The following CHMP3 variants were observed in gnomAD, a reference collection of about 807,000 sequenced individuals.
The protein encoded by CHMP3 is 25.1 protein.
In CHMP3, 8 loss-of-function variants were observed where a neutral mutation model predicts 27.4. That is an observed-to-expected ratio of 0.29 (90% CI 0.17 to 0.53). The LOEUF is 0.53. Ranked by LOEUF, CHMP3 falls within the 20% of genes least tolerant of loss-of-function variation. The pLI, the probability that CHMP3 is intolerant of heterozygous loss-of-function variation, is 0.96. For missense variants in CHMP3, 208 were observed against 271.5 expected, an observed-to-expected ratio of 0.77 and a Z score of 1.64; for synonymous variants, 86 against 85.5, an observed-to-expected ratio of 1.01 and a Z score of -0.03.
intron 5 of CHMP3, among the ~76,000 whole-genome samples, chr2:86,506,627 T>A (rs932802187): frequency 8.2e-6 from 1 of 121,742 alleles, no homozygotes; most frequent in African/African-American, 3.3e-5. Flanking sequence ...GTTTCGAACC[T>A]TTTTTTTTTT....
chr2:86,510,631 C>T (rs1675069917), intron 3 of CHMP3, 152 bp from the exon 4 acceptor site: 2 of 1,099,910 alleles, frequency 1.8e-6, no homozygotes, highest in Non-Finnish European at 1.3e-6. Context: ...GCTAGTTGAC[C>T]AAGAGATTGA....
chr2:86,560,240 C>T (rs1359118984), intron 1 of CHMP3, among the ~76,000 whole-genome samples: 6 of 151,512 alleles, frequency 4.0e-5, no homozygotes, highest in Admixed American at 2.6e-4. Context: ...ACTGCCTGGG[C>T]GACAGAGCGA....
intron 1 of CHMP3, among the ~76,000 whole-genome samples, chr2:86,543,185 C>A (rs1676429943): frequency 6.6e-6 from 1 of 152,130 alleles, no homozygotes; most frequent in Non-Finnish European, 1.5e-5. Flanking sequence ...ATGTAGCAGT[C>A]ATCCATGGAC....
intron 1 of CHMP3, among the ~76,000 whole-genome samples, chr2:86,546,309 G>A (rs974091248): frequency 4.2e-5 from 6 of 143,014 alleles, no homozygotes; most frequent in South Asian, 2.4e-4. Context: ...AGGTTGCAGC[G>A]AGCTGAGATC....
chr2:86,526,762 G>A (rs1675730168), intron 3 of CHMP3, among the ~76,000 whole-genome samples: 1 of 151,826 alleles, frequency 6.6e-6, no homozygotes, highest in Non-Finnish European at 1.5e-5. Context: ...TAGAGACAGG[G>A]TTTCATTATG....
In CHMP3 at chr2:86,563,408, C is replaced by T; in HGVS notation, c.-60G>A. On this transcript the variant is annotated 5_prime_UTR_variant, in exon 1 of 6. The change creates a new upstream start codon in the 5' untranslated region. Transcript: ENST00000263856. Reference sequence around the variant, plus strand: ...CAGTTCCCCGCGCCCAGGCAGGTCACGGGCAGCCGCCTGGGCGGGGCCCGC... The same window carrying T: ...CAGTTCCCCGCGCCCAGGCAGGTCATGGGCAGCCGCCTGGGCGGGGCCCGC... 6.3e-7 allele frequency: 1 copy of T among 1,593,494 alleles called. No homozygotes were observed. Among genetic ancestry groups the T allele is most frequent in the Non-Finnish European group, 8.6e-7 (1 of 1,168,156 alleles).
chr2:86,513,214 G>T (rs959296493), intron 3 of CHMP3, among the ~76,000 whole-genome samples: 21 of 152,300 alleles, frequency 1.4e-4, no homozygotes, highest in African/African-American at 4.8e-4. Context: ...AGACAAGGAA[G>T]AAACTTAAAT....
intron 3 of CHMP3, among the ~76,000 whole-genome samples, chr2:86,519,482 T>TG (rs1675442760): frequency 6.6e-6 from 1 of 152,162 alleles, no homozygotes; most frequent in Non-Finnish European, 1.5e-5. Flanking sequence ...TAACAGGAAT[T>TG]GGACTTTAAA....
rs1473810987 is a variant in CHMP3, at chr2:86,553,330, A to ATATT, written c.45+9970_45+9973dup. On this transcript the variant is annotated intron_variant, in intron 1 of 5. Transcript: ENST00000263856. ...CAATGCTATAAGTAGAAAGCAGGGG[A>ATATT]TATTTATTTATTTATTTATTGAGAT... Among the ~76,000 whole-genome samples the ATATT allele has an allele frequency of 2.0e-5, 3 of 152,084 alleles. 1 individual carries two copies. Among genetic ancestry groups the ATATT allele is most frequent in the Admixed American group, 1.3e-4 (2 of 15,272 alleles).
At chr2:86,543,768 T>A (rs1276517695) in intron 1 of CHMP3, among the ~76,000 whole-genome samples, 1 of 152,196 alleles carries the variant, frequency 6.6e-6, no homozygotes, top group Non-Finnish European at 1.5e-5. Flanking sequence ...GTTGACCAAC[T>A]CCACTCAGAA....
chr2:86,553,384 T>G (rs1312591041), intron 1 of CHMP3, among the ~76,000 whole-genome samples: 1 of 152,148 alleles, frequency 6.6e-6, no homozygotes, highest in Non-Finnish European at 1.5e-5. Context: ...CAGCCTGGAG[T>G]GCAGTGGCAC....
At chr2:86,535,585 C>A (rs1676094953) in intron 2 of CHMP3, among the ~76,000 whole-genome samples, 1 of 152,130 alleles carries the variant, frequency 6.6e-6, no homozygotes, top group Non-Finnish European at 1.5e-5. Context: ...CAGCTCACTG[C>A]AACCTCCGGC....
chr2:86,560,716 A>G (rs575853066), intron 1 of CHMP3, among the ~76,000 whole-genome samples: 11 of 152,246 alleles, frequency 7.2e-5, no homozygotes, highest in East Asian at 1.9e-4. Context: ...TAAAAAAAAA[A>G]AAAAGAAAAG....
In CHMP3 at chr2:86,504,212, T is replaced by G. The variant is rs1332509783; in HGVS notation, c.*1592A>C. Reference sequence around the variant, plus strand: ...TACATTTGTCTAAGCCCATACAATGTACAACACCAGAGTGAATCTTCATGT... The same window carrying G: ...TACATTTGTCTAAGCCCATACAATGGACAACACCAGAGTGAATCTTCATGT... On this transcript the variant is annotated 3_prime_UTR_variant, in exon 6 of 6. Coordinates refer to ENST00000263856, the MANE Select transcript of CHMP3 (RefSeq NM_016079.4). 2.0e-5 allele frequency: 3 copies of G among 152,170 alleles called. No homozygotes were observed. The highest frequency in any genetic ancestry group is 4.4e-5 in the Non-Finnish European group (3 of 68,020). The allele number at this position is 152,170 out of a possible 1,614,324, so 9.4% of individuals were successfully genotyped here. A position where few individuals can be genotyped will look rare whatever the true frequency, so the allele number is the denominator to read the frequency against.
At chr2:86,561,865 C>T (rs972158306) in intron 1 of CHMP3, 38 of 152,198 alleles carry the variant, frequency 2.5e-4, no homozygotes, top group African/African-American at 8.0e-4. Flanking sequence ...ATTTCCCCAG[C>T]ATCTTTTTTG....
intron 3 of CHMP3, among the ~76,000 whole-genome samples, chr2:86,521,936 T>C (rs1206818867): frequency 6.6e-6 from 1 of 152,188 alleles, no homozygotes; most frequent in Non-Finnish European, 1.5e-5. Context: ...TTCCATTCTT[T>C]CGGGTATATC....
intron 1 of CHMP3, among the ~76,000 whole-genome samples, chr2:86,546,826 T>C (rs1676627550): frequency 1.3e-5 from 2 of 152,224 alleles, no homozygotes; most frequent in Admixed American, 1.3e-4. Flanking sequence ...CATTTTTTAA[T>C]TGAGTTGTCT....
chr2:86,553,925 C>T (rs1677010337), intron 1 of CHMP3, among the ~76,000 whole-genome samples: 1 of 152,178 alleles, frequency 6.6e-6, no homozygotes, highest in Non-Finnish European at 1.5e-5. Context: ...CAGGTTTTCA[C>T]TGTACGATCT....
chr2:86,548,862 G>A (rs1175580101), intron 1 of CHMP3, among the ~76,000 whole-genome samples: 3 of 150,610 alleles, frequency 2.0e-5, no homozygotes, highest in African/African-American at 7.3e-5. Flanking sequence ...GCCGGGCAGA[G>A]GCGCTCCTCA....
Sources: gnomAD v4.1 joint callset for allele counts (sites outside exome capture counted in the v4.1 genomes callset) on GRCh38, gnomAD v4.1.1 for gene constraint, MANE v1.5 for transcripts, NCBI Gene and HGNC (gene_info 2026-07-23, HGNC 2026-07-21) for gene names.